Variants in VAC14 observed in about 807,000 individuals in gnomAD.
VAC14 encodes VAC14 component of PIKFYVE complex.
VAC14 carries 47 observed loss-of-function variants against 85.3 expected under a neutral mutation model. The ratio of observed to expected loss-of-function variants is 0.55; its 90% CI spans 0.44 to 0.70. The LOEUF is 0.70. Ranked by LOEUF, VAC14 falls within the 30% of genes least tolerant of loss-of-function variation. The pLI, the probability that VAC14 is intolerant of heterozygous loss-of-function variation, is 0.00. For synonymous variants in VAC14, 447 were observed against 430.5 expected (o/e 1.04, Z -0.47); for missense variants, 861 against 1,004.3 (o/e 0.86, Z 1.93).
intron 1 of VAC14, among the ~76,000 whole-genome samples, chr16:70,788,841 C>T (rs1216639186): frequency 6.6e-6 from 1 of 152,218 alleles, no homozygotes; most frequent in African/African-American, 2.4e-5. Flanking sequence ...CCAGTCAGTC[C>T]CTCCAACTAC....
At chr16:70,742,546 G>C (rs1193066639) in intron 13 of VAC14, among the ~76,000 whole-genome samples, 1 of 152,234 alleles carries the variant, frequency 6.6e-6, no homozygotes, top group Non-Finnish European at 1.5e-5. Context: ...CCCAGGGTCA[G>C]GATGTGGGAA....
intron 1 of VAC14, 159 bp from the exon 2 acceptor site, chr16:70,786,524 A>C (rs2034068689): frequency 1.1e-6 from 1 of 904,122 alleles, no homozygotes; most frequent in Non-Finnish European, 1.6e-6. Context: ...TGGCTGAGTC[A>C]TCGTTGTTTC....
rs537527371 is a variant in VAC14, at chr16:70,732,675, G to A, written c.1529-1048C>T. Among the ~76,000 whole-genome samples, 283 of 151,296 alleles carry A rather than the reference G, an allele frequency of 1.9e-3. 1 individual carries two copies. The highest frequency in any genetic ancestry group is 3.4e-3 in the Middle Eastern group (1 of 294). On this transcript the variant is annotated intron_variant, in intron 13 of 18. Transcript: ENST00000261776. ...TTTTTTTTTTAAAGACTGAGTCTTG[G>A]TTTGTTGCCCAGGCTGGAGTGCAGT...
At chr16:70,710,950 G>A (rs777849019) in intron 14 of VAC14, among the ~76,000 whole-genome samples, 4 of 152,236 alleles carry the variant, frequency 2.6e-5, no homozygotes, top group East Asian at 1.9e-4. Flanking sequence ...AAGGAGTTCC[G>A]GCCAGGGGCT....
chr16:70,786,433 C>T (rs1317980527), intron 1 of VAC14, 68 bp from the exon 2 acceptor site: 22 of 1,574,182 alleles, frequency 1.4e-5, no homozygotes, highest in Middle Eastern at 3.4e-4. Flanking sequence ...GGGCCTGGGG[C>T]GGCAATGAGG....
At chr16:70,708,405 C>T (rs2053963725) in intron 14 of VAC14, among the ~76,000 whole-genome samples, 1 of 152,186 alleles carries the variant, frequency 6.6e-6, no homozygotes, top group Admixed American at 6.5e-5. Context: ...GGCCGTGGGG[C>T]TGGGCATGCA....
intron 12 of VAC14, among the ~76,000 whole-genome samples, chr16:70,745,556 C>T (rs918002029): frequency 6.6e-6 from 1 of 151,968 alleles, no homozygotes; most frequent in Admixed American, 6.5e-5. Flanking sequence ...CATGCACCTG[C>T]CCCAGGGGCT....
intron 12 of VAC14, among the ~76,000 whole-genome samples, chr16:70,754,224 A>G (rs1410314623): frequency 6.6e-6 from 1 of 152,174 alleles, no homozygotes; most frequent in East Asian, 1.9e-4. Context: ...TGCTGTGGGC[A>G]CTGACACCAC....
chr16:70,689,132 T>C (rs2053552781), intron 18 of VAC14: 2 of 977,074 alleles, frequency 2.0e-6, no homozygotes, highest in African/African-American at 1.8e-5. Flanking sequence ...CAACCATAAC[T>C]CCACCGCTTC....
At chr16:70,756,739 G>A (rs374173531) in intron 12 of VAC14, among the ~76,000 whole-genome samples, 5 of 152,260 alleles carry the variant, frequency 3.3e-5, no homozygotes, top group East Asian at 1.9e-4. Context: ...ACCTTGGACC[G>A]GGTACATCGC....
intron 14 of VAC14, among the ~76,000 whole-genome samples, chr16:70,724,974 T>G (rs1287985217): frequency 6.6e-6 from 1 of 152,254 alleles, no homozygotes; most frequent in East Asian, 1.9e-4. Flanking sequence ...TGGTGCACAT[T>G]TGCCACAGCA....
intron 12 of VAC14, among the ~76,000 whole-genome samples, chr16:70,761,627 T>C (rs1184030724): frequency 1.3e-5 from 2 of 152,166 alleles, no homozygotes; most frequent in Non-Finnish European, 2.9e-5. Context: ...CCTGCCCAGA[T>C]GACAGGAAGA....
At chr16:70,798,364 T>C (rs1271407292) in intron 1 of VAC14, among the ~76,000 whole-genome samples, 1 of 152,220 alleles carries the variant, frequency 6.6e-6, no homozygotes, top group Non-Finnish European at 1.5e-5. Flanking sequence ...GTCTGATTAA[T>C]GAGAGATTAA....
chr16:70,793,856 T>C lies in VAC14; in HGVS notation c.104+6941A>G, dbSNP rs1023462072. Among the ~76,000 whole-genome samples the C allele has an allele frequency of 5.3e-5, 8 of 152,340 alleles. No individual in the cohort carries two copies. The East Asian group carries it at 1.5e-3, about 29-fold the overall frequency. ...CAGAGACAAGCTGTGATCTTATACATAGCACACGAGGTTGTGCTCATTCCA... is the reference window on the plus strand; with the variant it reads ...CAGAGACAAGCTGTGATCTTATACACAGCACACGAGGTTGTGCTCATTCCA... On this transcript the variant is annotated intron_variant, in intron 1 of 18. Transcript: ENST00000261776.
At chr16:70,722,559 G>A (rs1433357808) in intron 14 of VAC14, among the ~76,000 whole-genome samples, 1 of 152,154 alleles carries the variant, frequency 6.6e-6, no homozygotes, top group Non-Finnish European at 1.5e-5. Flanking sequence ...GCTGTCCAAG[G>A]GCAACCCAGG....
At chr16:70,778,671 G>A (rs760929866) in intron 9 of VAC14, 1 of 152,148 alleles carries the variant, frequency 6.6e-6, no homozygotes, top group Non-Finnish European at 1.5e-5. Flanking sequence ...TGGATTAAGA[G>A]GCACTGTGAA....
intron 13 of VAC14, among the ~76,000 whole-genome samples, chr16:70,740,842 G>A (rs979671163): frequency 6.6e-6 from 1 of 152,234 alleles, no homozygotes; most frequent in Admixed American, 6.5e-5. Context: ...TGCGAGGGAG[G>A]GAGAGATGTT....
intron 10 of VAC14, chr16:70,768,737 A>G: frequency 2.3e-6 from 1 of 436,302 alleles, no homozygotes; most frequent in Non-Finnish European, 4.6e-6. Context: ...TCTGGGATGC[A>G]AGGATTGCTT....
At chr16:70,731,661 T>G in intron 13 of VAC14, 34 bp from the exon 14 acceptor site, 1 of 1,607,412 alleles carries the variant, frequency 6.2e-7, no homozygotes, top group Non-Finnish European at 8.5e-7. Flanking sequence ...GCATTTATTC[T>G]GATTATGTGT....
Sources: allele counts gnomAD v4.1 joint callset (sites outside exome capture counted in the v4.1 genomes callset), GRCh38; gene constraint gnomAD v4.1.1; transcripts MANE v1.5; gene names NCBI Gene and HGNC (gene_info 2026-07-23, HGNC 2026-07-21).